NALCN: variants seen among roughly 807,000 people sequenced by gnomAD.
NALCN encodes sodium leak channel NALCN.
In NALCN, 111 loss-of-function variants were observed where a neutral mutation model predicts 225.3. The ratio of observed to expected loss-of-function variants is 0.49; its 90% CI spans 0.42 to 0.58. NALCN has a LOEUF of 0.58. NALCN is among the 20% of genes least tolerant of loss of function. The probability of loss-of-function intolerance (pLI) is 0.00; values close to 1 mark genes in which losing one functional copy is unlikely to be tolerated. For missense variants in NALCN, 1,378 were observed against 2,202.4 expected (o/e 0.63, Z 7.49); for synonymous variants, 764 against 769.0 (o/e 0.99, Z 0.11).
At chr13:101,326,470 A>G (rs1346248833) in intron 7 of NALCN, among the ~76,000 whole-genome samples, 2 of 152,224 alleles carry the variant, frequency 1.3e-5, no homozygotes, top group African/African-American at 4.8e-5. Context: ...TCTACTTCCC[A>G]GACGACTACC....
rs184245167 is a variant in NALCN, at chr13:101,207,260, G to T, written c.1627-15206C>A. 9.2e-5 allele frequency among the ~76,000 whole-genome samples: 14 copies of T among 152,268 alleles called. No homozygotes were observed. In the East Asian group the frequency reaches 9.6e-4, roughly 10 times the overall value. On this transcript the variant is annotated intron_variant, in intron 13 of 43. Coordinates refer to ENST00000251127, the MANE Select transcript of NALCN (RefSeq NM_052867.4). ...ATCTGTGCTTCCTTGCCAGCAGTGT[G>T]CATTGTTGATAACAAAAACCAAATA...
At chr13:101,128,730 A>T (rs1335210585) in intron 17 of NALCN, among the ~76,000 whole-genome samples, 2 of 145,756 alleles carry the variant, frequency 1.4e-5, no homozygotes, top group African/African-American at 5.0e-5. Flanking sequence ...GCTAAGTAAC[A>T]TTTTTTTTTT....
intron 15 of NALCN, among the ~76,000 whole-genome samples, chr13:101,145,293 A>T (rs1447431832): frequency 9.2e-5 from 14 of 152,224 alleles, no homozygotes; most frequent in Non-Finnish European, 1.9e-4. Flanking sequence ...ACCATGAAAA[A>T]TTTAAAAAAA....
chr13:101,073,617 A>G lies in NALCN; in HGVS notation c.4164T>C (p.Gly1388=), dbSNP rs1042593039. Residue 1388 remains glycine, a synonymous_variant, in exon 37 of 44, where the codon GGT becomes GGC. Coordinates refer to ENST00000251127, the MANE Select transcript of NALCN (RefSeq NM_052867.4). ...AITVLFRIVT[G]EDWNKIMHDC... is the part of the protein sequence containing the mutation. ...CATGCATAATCTTGTTCCAGTCTTC[A>G]CCTGTGACAATTCGGAACAGTACGG... The G allele has an allele frequency of 6.2e-7, 1 of 1,613,622 alleles. No homozygotes were observed. The highest frequency in any genetic ancestry group is 1.7e-5 in the Admixed American group (1 of 59,980).
At chr13:101,405,903 A>C (rs1039296822) in intron 1 of NALCN, among the ~76,000 whole-genome samples, 3 of 152,290 alleles carry the variant, frequency 2.0e-5, no homozygotes, top group South Asian at 2.1e-4. Context: ...TCCATGTTAA[A>C]ATAGTGAGCT....
chr13:101,168,027 A>T (rs903192447), intron 15 of NALCN, among the ~76,000 whole-genome samples: 14 of 151,982 alleles, frequency 9.2e-5, no homozygotes, highest in African/African-American at 2.9e-4. Flanking sequence ...TTCCATGGTG[A>T]CTATTTTTTT....
At chr13:101,403,184 T>C (rs1426658020) in intron 1 of NALCN, among the ~76,000 whole-genome samples, 1 of 152,244 alleles carries the variant, frequency 6.6e-6, no homozygotes, top group Non-Finnish European at 1.5e-5. Flanking sequence ...GCAAATATTA[T>C]GCATCCACTG....
chr13:101,198,537 A>C (rs2039982758), intron 13 of NALCN, among the ~76,000 whole-genome samples: 1 of 152,264 alleles, frequency 6.6e-6, no homozygotes, highest in African/African-American at 2.4e-5. Context: ...GACACATGAA[A>C]AAATGCTCAT....
intron 7 of NALCN, among the ~76,000 whole-genome samples, chr13:101,323,297 T>C (rs2044821524): frequency 6.6e-6 from 1 of 152,156 alleles, no homozygotes; most frequent in South Asian, 2.1e-4. Context: ...TTACAGACCT[T>C]AGCCATTTGT....
intron 7 of NALCN, among the ~76,000 whole-genome samples, chr13:101,309,814 T>A (rs1486613616): frequency 1.3e-5 from 2 of 152,338 alleles, no homozygotes; most frequent in Admixed American, 1.3e-4. Flanking sequence ...TCAATCATGT[T>A]TTCTGTTTTG....
At chr13:101,195,640 T>C (rs2039860061) in intron 13 of NALCN, among the ~76,000 whole-genome samples, 1 of 152,246 alleles carries the variant, frequency 6.6e-6, no homozygotes, top group Non-Finnish European at 1.5e-5. Flanking sequence ...TGCCTATCCC[T>C]ATTTAGGATT....
intron 7 of NALCN, among the ~76,000 whole-genome samples, chr13:101,332,422 G>GAAAAAAAAAAAAAAAAAAAA (rs1226305613): frequency 1.3e-5 from 1 of 78,816 alleles, no homozygotes; most frequent in African/African-American, 5.2e-5. Context: ...AAAAAAAAAG[G>GAAAAAAAAAAAAAAAAAAAA]AAAGCCTTAA....
chr13:101,063,252 G>A (rs774980350), intron 40 of NALCN, among the ~76,000 whole-genome samples: 1 of 152,136 alleles, frequency 6.6e-6, no homozygotes, highest in Non-Finnish European at 1.5e-5. Context: ...TGGTACATTG[G>A]GCTTCTCTTT....
intron 6 of NALCN, among the ~76,000 whole-genome samples, chr13:101,368,103 T>C (rs2046429759): frequency 1.3e-5 from 2 of 151,044 alleles, no homozygotes; most frequent in Admixed American, 6.6e-5. Context: ...GCTGTACCCA[T>C]TAACTCATCA....
At chr13:101,217,431 G>A (rs747649867) in intron 13 of NALCN, among the ~76,000 whole-genome samples, 7 of 152,178 alleles carry the variant, frequency 4.6e-5, no homozygotes, top group Admixed American at 4.6e-4. Context: ...GTCCAAACTA[G>A]AACAGAAAGT....
intron 13 of NALCN, among the ~76,000 whole-genome samples, chr13:101,207,272 A>G (rs1185603100): frequency 2.0e-5 from 3 of 152,244 alleles, no homozygotes; most frequent in Non-Finnish European, 4.4e-5. Flanking sequence ...ATTGTTGATA[A>G]CAAAAACCAA....
chr13:101,352,964 G>A (rs964261159), intron 6 of NALCN, among the ~76,000 whole-genome samples: 4 of 152,184 alleles, frequency 2.6e-5, no homozygotes, highest in Admixed American at 6.5e-5. Flanking sequence ...GAAATTGTCA[G>A]TGATGTAAAT....
At chr13:101,344,909 A>C (rs1434028582) in intron 7 of NALCN, among the ~76,000 whole-genome samples, 1 of 152,200 alleles carries the variant, frequency 6.6e-6, no homozygotes, top group African/African-American at 2.4e-5. Flanking sequence ...GTATAGTTAC[A>C]TAGTTACATA....
intron 3 of NALCN, among the ~76,000 whole-genome samples, chr13:101,386,378 C>A (rs915640814): frequency 2.0e-5 from 3 of 151,216 alleles, no homozygotes; most frequent in African/African-American, 7.2e-5. Flanking sequence ...ACAGAGTGAA[C>A]CAGGTTTTCT....
Sources: gnomAD v4.1 joint callset for allele counts (sites outside exome capture counted in the v4.1 genomes callset) on GRCh38, gnomAD v4.1.1 for gene constraint, MANE v1.5 for transcripts, NCBI Gene and HGNC (gene_info 2026-07-23, HGNC 2026-07-21) for gene names.